Variants in JAK2 observed in about 807,000 individuals in gnomAD.
JAK2 encodes tyrosine-protein kinase JAK2.
A neutral mutation model predicts 139.3 loss-of-function variants in JAK2; 86 were observed. The observed-to-expected ratio is 0.62, with a 90% CI of 0.52 to 0.74. The LOEUF (loss-of-function observed/expected upper bound fraction) is 0.74. Among genes scored for constraint, JAK2 ranks in the 30% least tolerant of loss-of-function variants. The probability of loss-of-function intolerance (pLI) is 0.00; values close to 1 mark genes in which losing one functional copy is unlikely to be tolerated. For synonymous variants in JAK2, 490 were observed against 437.7 expected, an observed-to-expected ratio of 1.12 and a Z score of -1.49; for missense variants, 1,421 against 1,360.3, an observed-to-expected ratio of 1.04 and a Z score of -0.70.
At chr9:5,118,625 C>T (rs966943632) in intron 22 of JAK2, among the ~76,000 whole-genome samples, 4 of 152,118 alleles carry the variant, frequency 2.6e-5, no homozygotes, top group African/African-American at 9.7e-5. Context: ...CAAGATTAAG[C>T]ATAAATTCTG....
At position 5,107,387 on chromosome 9, in the gene JAK2, T is replaced by G. The variant is rs144561817; in HGVS notation, c.3060-15617T>G. 2.2e-3 allele frequency among the ~76,000 whole-genome samples: 329 copies of G among 152,230 alleles called. 1 individual carries two copies. Among genetic ancestry groups the G allele is most frequent in the East Asian group, 0.019 (96 of 5,184 alleles). On this transcript the variant is annotated intron_variant, in intron 22 of 24. Transcript: ENST00000381652. ...AACTGCCTCCCCTTTTCCATAAAAT[T>G]CTTCCTAGTAGCCAACACATTTCTC...
At position 5,033,090 on chromosome 9, in the gene JAK2, G is replaced by A. The variant is rs962849294; in HGVS notation, c.350+3184G>A. Among the ~76,000 whole-genome samples, 14 of 152,332 alleles carry A rather than the reference G, an allele frequency of 9.2e-5. No individual in the cohort carries two copies. In the East Asian group the frequency reaches 1.9e-3, roughly 21 times the overall value. On this transcript the variant is annotated intron_variant, in intron 4 of 24. Transcript: ENST00000381652. ...CTGAAAACCAAGGCACGAGAACTAC[G>A]TGATGAATGCACAAGCCTCAGTAGC...
chr9:5,090,013 C>T (rs1238213526), intron 20 of JAK2, 150 bp downstream of exon 20: 1 of 464,202 alleles, frequency 2.2e-6, no homozygotes, highest in East Asian at 3.5e-5. Context: ...GTTTGGTGAT[C>T]ATAGACTATA....
chr9:5,104,087 TAG>T, intron 22 of JAK2, among the ~76,000 whole-genome samples: 1 of 152,134 alleles, frequency 6.6e-6, no homozygotes, highest in East Asian at 1.9e-4. Flanking sequence ...CTGAAGGAGA[TAG>T]AGACACAACT....
At chr9:5,092,543 A>G (rs1820668078) in intron 22 of JAK2, among the ~76,000 whole-genome samples, 1 of 152,164 alleles carries the variant, frequency 6.6e-6, no homozygotes, top group Admixed American at 6.5e-5. Flanking sequence ...TTTACCTTAG[A>G]CAAAAGAATA....
At chr9:4,997,171 A>G (rs933390761) in intron 2 of JAK2, among the ~76,000 whole-genome samples, 3 of 151,986 alleles carry the variant, frequency 2.0e-5, no homozygotes, top group Non-Finnish European at 2.9e-5. Context: ...GGCTCCAGCA[A>G]TCTTTCTGCA....
chr9:5,129,530 TA>T lies in JAK2; in HGVS notation c.*2740del, dbSNP rs1824208643. ...GTTTCTCTAATTTGGGGGCATAATG[TA>T]CTAAGAATCAGTTTGCTGTATATTA... On this transcript the variant is annotated 3_prime_UTR_variant, in exon 25 of 25. Transcript: ENST00000381652. Among the ~76,000 whole-genome samples the T allele has an allele frequency of 6.6e-6, 1 of 152,142 alleles. No individual in the cohort carries two copies. The highest frequency in any genetic ancestry group is 2.4e-5 in the African/African-American group (1 of 41,442).
chr9:5,054,324 ATCT>A lies in JAK2; in HGVS notation c.615-234_615-232del, dbSNP rs950260907. Among the ~76,000 whole-genome samples, 5 of 152,172 alleles carry A rather than the reference ATCT, an allele frequency of 3.3e-5. No homozygotes were observed. The highest frequency in any genetic ancestry group is 3.9e-4 in the East Asian group (2 of 5,184). Reference sequence around the variant, plus strand: ...ATTTCATTAGGGGAAGAAGATTAACATCTTCTTTTGTAAACATTGATGATAACT... The same window carrying A: ...ATTTCATTAGGGGAAGAAGATTAACATCTTTTGTAAACATTGATGATAACT... On this transcript the variant is annotated intron_variant, in intron 6 of 24. Transcript: ENST00000381652. The surrounding 1 kb of genome is among the most constrained non-coding windows in gnomAD (Gnocchi z 4.9).
chr9:5,065,424 G>T (rs910310292), intron 9 of JAK2, among the ~76,000 whole-genome samples: 3 of 152,148 alleles, frequency 2.0e-5, no homozygotes, highest in Non-Finnish European at 2.9e-5. Context: ...TCTACTGAAA[G>T]GTTCAAACAC....
intron 22 of JAK2, chr9:5,111,911 G>A: frequency 2.8e-6 from 1 of 352,614 alleles, no homozygotes; most frequent in Non-Finnish European, 5.6e-6. Context: ...GGGAAGGCCT[G>A]GCCTCAATCT....
At chr9:5,102,882 C>G (rs1424204658) in intron 22 of JAK2, among the ~76,000 whole-genome samples, 2 of 152,220 alleles carry the variant, frequency 1.3e-5, no homozygotes, top group Middle Eastern at 3.4e-3. Context: ...CTTACAAGAT[C>G]TCCTGAAGGA....
chr9:5,001,081 A>G (rs1820900806), intron 2 of JAK2, among the ~76,000 whole-genome samples: 1 of 152,238 alleles, frequency 6.6e-6, no homozygotes, highest in Non-Finnish European at 1.5e-5. Flanking sequence ...AAATTCATTT[A>G]TAAGTTCTAG....
At chr9:5,077,957 C>T (rs1417438492) in intron 15 of JAK2, among the ~76,000 whole-genome samples, 2 of 152,174 alleles carry the variant, frequency 1.3e-5, no homozygotes, top group Admixed American at 1.3e-4. Flanking sequence ...GACTGCCAGT[C>T]ATCAGACCCC....
At chr9:5,028,136 T>C (rs982211261) in intron 3 of JAK2, among the ~76,000 whole-genome samples, 6 of 152,340 alleles carry the variant, frequency 3.9e-5, no homozygotes, top group South Asian at 4.1e-4. Flanking sequence ...TAAATGTGTT[T>C]CCCAAATAAT....
At chr9:5,009,218 C>G (rs1301188846) in intron 2 of JAK2, among the ~76,000 whole-genome samples, 1 of 151,848 alleles carries the variant, frequency 6.6e-6, no homozygotes, top group African/African-American at 2.4e-5. Flanking sequence ...TGTTAAACAC[C>G]TGTGGGAAAG....
Position 5,051,922 on chromosome 9 carries a change from A to G in JAK2, c.614+1091A>G, listed in dbSNP as rs536814754. 7.2e-5 allele frequency among the ~76,000 whole-genome samples: 11 copies of G among 152,196 alleles called. No individual in the cohort carries two copies. In the South Asian group the frequency reaches 8.3e-4, roughly 11 times the overall value. On this transcript the variant is annotated intron_variant, in intron 6 of 24. Coordinates refer to ENST00000381652, the MANE Select transcript of JAK2 (RefSeq NM_004972.4). ...AACCTAAGGGTGTAGGCCATAGGGT[A>G]TAATTTTAGGAACTCAGAAATCTAG...
intron 2 of JAK2, among the ~76,000 whole-genome samples, chr9:5,017,195 G>C (rs1435635040): frequency 6.6e-6 from 1 of 152,066 alleles, no homozygotes; most frequent in Non-Finnish European, 1.5e-5. Context: ...GATTTTGAGA[G>C]TGAGGGCAAC....
intron 22 of JAK2, chr9:5,112,878 C>T (rs1414235104): frequency 3.6e-5 from 15 of 419,260 alleles, no homozygotes; most frequent in Non-Finnish European, 4.7e-5. Context: ...ACGAGCCACC[C>T]GCCCTCAGCC....
intron 2 of JAK2, among the ~76,000 whole-genome samples, chr9:5,012,700 C>A (rs773026329): frequency 2.2e-4 from 33 of 152,098 alleles, no homozygotes; most frequent in Non-Finnish European, 4.9e-4. Flanking sequence ...AAGAATAGAT[C>A]GTTTGACAAG....
Sources: gnomAD v4.1 joint callset for allele counts (sites outside exome capture counted in the v4.1 genomes callset) on GRCh38, gnomAD v4.1.1 for gene constraint, Gnocchi (gnomAD v3.1) non-coding constraint, MANE v1.5 for transcripts, NCBI Gene and HGNC (gene_info 2026-07-23, HGNC 2026-07-21) for gene names.